KNDC1: variants seen among roughly 807,000 people sequenced by gnomAD.
KNDC1 encodes kinase non-catalytic C-lobe domain-containing protein 1.
KNDC1 carries 106 observed loss-of-function variants against 172.8 expected under a neutral mutation model. That is an observed-to-expected ratio of 0.61 (90% CI 0.52 to 0.72). The LOEUF (loss-of-function observed/expected upper bound fraction) is 0.72. KNDC1 is among the 30% of genes least tolerant of loss of function. KNDC1 has a pLI of 0.00. For missense variants in KNDC1, 2,325 were observed against 2,394.5 expected, an observed-to-expected ratio of 0.97 and a Z score of 0.61; for synonymous variants, 1,083 against 1,062.2, an observed-to-expected ratio of 1.02 and a Z score of -0.38.
intron 17 of KNDC1, among the ~76,000 whole-genome samples, chr10:133,205,790 G>C (rs553366905): frequency 6.6e-6 from 1 of 152,090 alleles, no homozygotes; most frequent in Admixed American, 6.6e-5. Context: ...AGTTGTGATC[G>C]CGCCACTGCA....
rs987395127 is a variant in KNDC1, at chr10:133,200,591, G to A, written c.2989+131G>A. The stretch of plus-strand genomic sequence containing the variant: ...GCTCCAGCGGGGCTGCCTTTGCCCC[G>A]GGGGTGCCCAGCCAAAGGCCGCCCT... On this transcript the variant is annotated intron_variant, in intron 16 of 29. Transcript: ENST00000304613. 18 of 720,074 alleles carry A rather than the reference G, an allele frequency of 2.5e-5. No homozygotes were observed. The South Asian group carries it at 2.5e-4, about 10-fold the overall frequency. The allele number at this position is 720,074 out of a possible 1,614,324, so 44.6% of individuals were successfully genotyped here.
chr10:133,180,433 G>T (rs1185430475), intron 3 of KNDC1, among the ~76,000 whole-genome samples: 1 of 152,262 alleles, frequency 6.6e-6, no homozygotes, highest in Non-Finnish European at 1.5e-5. Context: ...GCGTCTCAGG[G>T]GCAGGAGGAG....
chr10:133,210,775 G>A, intron 21 of KNDC1, 51 bp downstream of exon 21: 1 of 1,469,852 alleles, frequency 6.8e-7, no homozygotes, highest in Non-Finnish European at 9.5e-7. Flanking sequence ...CTGGGGCAGG[G>A]TGGGCGCCCA....
intron 26 of KNDC1, among the ~76,000 whole-genome samples, chr10:133,216,680 T>A (rs1401689882): frequency 2.0e-5 from 3 of 151,738 alleles, no homozygotes; most frequent in Non-Finnish European, 2.9e-5. Flanking sequence ...TCAAAAAAAA[T>A]AAAAAATAAA....
intron 9 of KNDC1, among the ~76,000 whole-genome samples, chr10:133,191,130 G>C (rs1385447147): frequency 1.3e-5 from 2 of 152,186 alleles, no homozygotes; most frequent in Non-Finnish European, 2.9e-5. Context: ...CTTGAGTCCA[G>C]GAGTTCGAGA....
chr10:133,185,766 G>A, intron 5 of KNDC1, among the ~76,000 whole-genome samples: 1 of 142,464 alleles, frequency 7.0e-6, no homozygotes, highest in Non-Finnish European at 1.5e-5. Flanking sequence ...CTGATGAGTG[G>A]GGCAGGAGAG....
chr10:133,203,680 C>T (rs1445928828), intron 17 of KNDC1, among the ~76,000 whole-genome samples: 1 of 152,198 alleles, frequency 6.6e-6, no homozygotes, highest in Admixed American at 6.5e-5. Context: ...CTCCCAGAGT[C>T]AGCGTGGACA....
At chr10:133,185,878 A>G (rs548126660) in intron 5 of KNDC1, 96 bp from the exon 6 acceptor site, 18 of 373,588 alleles carry the variant, frequency 4.8e-5, no homozygotes, top group African/African-American at 1.6e-4. Context: ...GAGGGGTGGG[A>G]GGAGAGGGGA....
At chr10:133,202,206 C>A (rs750486841) in intron 17 of KNDC1, 1 of 656,458 alleles carries the variant, frequency 1.5e-6, no homozygotes, top group Non-Finnish European at 2.8e-6. Flanking sequence ...ATGCTCGTGA[C>A]CAGGTTGCGT....
intron 20 of KNDC1, among the ~76,000 whole-genome samples, chr10:133,207,582 C>T (rs1464144004): frequency 1.3e-5 from 2 of 152,250 alleles, no homozygotes; most frequent in African/African-American, 2.4e-5. Context: ...TCTCAGGGTG[C>T]GCCTGGTGGT....
intron 26 of KNDC1, among the ~76,000 whole-genome samples, chr10:133,216,196 C>T (rs755704590): frequency 5.9e-5 from 9 of 152,004 alleles, no homozygotes; most frequent in South Asian, 4.1e-4. Context: ...TCCGTTCTGA[C>T]GATGCCTGGA....
In KNDC1 at chr10:133,214,182, G is replaced by A. The variant is rs2136026132; in HGVS notation, c.4677+60G>A. The A allele has an allele frequency of 2.5e-6, 4 of 1,583,086 alleles. No individual in the cohort carries two copies. The East Asian group carries it at 6.7e-5, about 27-fold the overall frequency. ...CGTGGGGCCCACCTACGCGGGGGTGGCAGCGCCTCCTATAAGGCCGTGGCC... is the reference window on the plus strand; with the variant it reads ...CGTGGGGCCCACCTACGCGGGGGTGACAGCGCCTCCTATAAGGCCGTGGCC... On this transcript the variant is annotated intron_variant, in intron 26 of 29. Coordinates refer to ENST00000304613, the MANE Select transcript of KNDC1 (RefSeq NM_152643.8).
At chr10:133,161,388 C>T (rs1852964269) in intron 1 of KNDC1, among the ~76,000 whole-genome samples, 1 of 152,184 alleles carries the variant, frequency 6.6e-6, no homozygotes, top group African/African-American at 2.4e-5. Flanking sequence ...TCACCTGCAG[C>T]CATTAGTGGG....
Position 133,226,076 on chromosome 10 carries a change from T to C in KNDC1, c.*1186T>C, listed in dbSNP as rs893323207. ...TGGCATTTCTAGGAAAACTGTGACC[T>C]GTGACAAATCGCTGCATTTTTAATG... is the stretch of plus-strand genomic sequence containing the variant. On this transcript the variant is annotated 3_prime_UTR_variant, in exon 30 of 30. Coordinates refer to ENST00000304613, the MANE Select transcript of KNDC1 (RefSeq NM_152643.8). 2.8e-4 allele frequency: 42 copies of C among 152,270 alleles called. No individual in the cohort carries two copies. The highest frequency in any genetic ancestry group is 8.9e-4 in the African/African-American group (37 of 41,470). 9.4% of individuals were successfully genotyped at this position (152,270 alleles called of 1,614,324 possible). A position where few individuals can be genotyped will look rare whatever the true frequency, so the allele number is the denominator to read the frequency against.
At chr10:133,221,616 C>T (rs572533546) in intron 29 of KNDC1, among the ~76,000 whole-genome samples, 19 of 152,374 alleles carry the variant, frequency 1.2e-4, no homozygotes, top group African/African-American at 3.8e-4. Flanking sequence ...GATGGCCTCA[C>T]TTGGGGAGCA....
chr10:133,168,391 C>T (rs1208141320), intron 3 of KNDC1, 79 bp downstream of exon 3: 4 of 1,437,982 alleles, frequency 2.8e-6, no homozygotes, highest in Non-Finnish European at 3.9e-6. Context: ...AGAAATGCAC[C>T]TGCCTTGGGG....
chr10:133,181,834 CCACA>C (rs369062586), intron 3 of KNDC1, among the ~76,000 whole-genome samples: 10 of 138,794 alleles, frequency 7.2e-5, no homozygotes, highest in African/African-American at 1.3e-4. Context: ...CCAGGACCGT[CCACA>C]CACACACACA....
intron 9 of KNDC1, among the ~76,000 whole-genome samples, chr10:133,190,233 T>G (rs1387290081): frequency 6.6e-6 from 1 of 152,018 alleles, no homozygotes; most frequent in African/African-American, 2.4e-5. Flanking sequence ...GGAAGAGCAC[T>G]AAGTACCCTA....
At position 133,224,953 on chromosome 10, in the gene KNDC1, G is replaced by A. The variant is rs1039087039; in HGVS notation, c.*63G>A. The A allele has an allele frequency of 1.8e-5, 25 of 1,359,968 alleles. No homozygotes were observed. The highest frequency in any genetic ancestry group is 2.5e-5 in the Non-Finnish European group (24 of 965,000). 84.2% of individuals were successfully genotyped at this position (1,359,968 alleles called of 1,614,324 possible). ...CCGACTGTGGGGGGCGGGCTGGGAG[G>A]TGGGAGCCGCGTCTCAGGCCCGGCC... is the stretch of plus-strand genomic sequence containing the variant. On this transcript the variant is annotated 3_prime_UTR_variant, in exon 30 of 30. Transcript: ENST00000304613. The surrounding 1 kb of genome is among the most constrained non-coding windows in gnomAD (Gnocchi z 5.4).
Sources: allele counts gnomAD v4.1 joint callset (sites outside exome capture counted in the v4.1 genomes callset), GRCh38; gene constraint gnomAD v4.1.1; non-coding constraint Gnocchi (gnomAD v3.1); transcripts MANE v1.5; gene names NCBI Gene and HGNC (gene_info 2026-07-23, HGNC 2026-07-21).